Variants in ZNF415 observed in about 807,000 individuals in gnomAD.
The protein encoded by ZNF415 is zinc finger protein 415.
In ZNF415, 5 loss-of-function variants were observed where a neutral mutation model predicts 7.3. The ratio of observed to expected loss-of-function variants is 0.69; its 90% confidence interval spans 0.36 to 1.44. The LOEUF (loss-of-function observed/expected upper bound fraction) is 1.44. Among genes scored for constraint, ZNF415 ranks in the 40% most tolerant of loss-of-function variants. ZNF415 has a pLI of 0.04. For missense variants in ZNF415, 628 were observed against 664.8 expected (o/e 0.94, Z 0.61); for synonymous variants, 207 against 226.3 (o/e 0.91, Z 0.77).
intron 2 of ZNF415, among the ~76,000 whole-genome samples, chr19:53,120,870 G>A (rs1370529818): frequency 6.6e-6 from 1 of 151,042 alleles, no homozygotes; most frequent in African/African-American, 2.4e-5. Context: ...TGGATCACGA[G>A]GTCAGGAGTT....
At chr19:53,113,965 A>G (rs2086630474) in intron 3 of ZNF415, among the ~76,000 whole-genome samples, 1 of 152,252 alleles carries the variant, frequency 6.6e-6, no homozygotes, top group East Asian at 1.9e-4. Flanking sequence ...ATCCTGAGCC[A>G]TGCTGACAAT....
intron 2 of ZNF415, among the ~76,000 whole-genome samples, chr19:53,120,921 T>G (rs996408431): frequency 6.7e-6 from 1 of 148,412 alleles, no homozygotes; most frequent in Non-Finnish European, 1.5e-5. Flanking sequence ...CCGTCTCTAC[T>G]AAAAATACAA....
intron 2 of ZNF415, among the ~76,000 whole-genome samples, 178 bp from the exon 3 acceptor site, chr19:53,116,611 C>CTTTTTT (rs1568566098): frequency 2.3e-5 from 3 of 131,338 alleles, no homozygotes; most frequent in African/African-American, 9.6e-5. Context: ...TTTTTTTTCT[C>CTTTTTT]TCTTTTTTTT....
intron 1 of ZNF415, among the ~76,000 whole-genome samples, chr19:53,127,523 T>C (rs1368467242): frequency 6.6e-6 from 1 of 151,926 alleles, no homozygotes; most frequent in Non-Finnish European, 1.5e-5. Flanking sequence ...CCCAATGAGA[T>C]CCTAATATCT....
In ZNF415 at chr19:53,115,428, A is replaced by C. The variant is rs1336914276; in HGVS notation, c.136+885T>G. 3 of 450,344 alleles carry C rather than the reference A, an allele frequency of 6.7e-6. No homozygotes were observed. In the East Asian group the frequency reaches 1.2e-4, roughly 18 times the overall value. The allele number at this position is 450,344 out of a possible 1,614,324, so 27.9% of individuals were successfully genotyped here. A position where few individuals can be genotyped will look rare whatever the true frequency, so the allele number is the denominator to read the frequency against. On this transcript the variant is annotated intron_variant, in intron 3 of 3. Coordinates refer to ENST00000243643, the MANE Select transcript of ZNF415 (RefSeq NM_018355.4). ...GCCCCTCCCGGACCCCTCAGAGTGAAGGAGCCAGAGAGTTCACGGAAGTCA... is the reference window on the plus strand; with the variant it reads ...GCCCCTCCCGGACCCCTCAGAGTGACGGAGCCAGAGAGTTCACGGAAGTCA...
chr19:53,108,187 T>C lies in ZNF415; in HGVS notation c.*190A>G. On this transcript the variant is annotated 3_prime_UTR_variant, in exon 4 of 4. Coordinates refer to ENST00000243643, the MANE Select transcript of ZNF415 (RefSeq NM_018355.4). ...TAGCATGGACTCTGATGTCAATGAATGCTTGAACTTGTGATGAAGGGTTTG... is the reference window on the plus strand; with the variant it reads ...TAGCATGGACTCTGATGTCAATGAACGCTTGAACTTGTGATGAAGGGTTTG... 1.6e-6 allele frequency: 1 copy of C among 612,410 alleles called. No individual in the cohort carries two copies. Among genetic ancestry groups the C allele is most frequent in the South Asian group, 2.3e-5 (1 of 44,388 alleles). 37.9% of individuals were successfully genotyped at this position (612,410 alleles called of 1,614,324 possible).
Position 53,108,324 on chromosome 19 carries a change from T to C in ZNF415, c.*53A>G. On this transcript the variant is annotated 3_prime_UTR_variant, in exon 4 of 4. Transcript: ENST00000243643. The stretch of plus-strand genomic sequence containing the variant: ...ATACTTGTATGGTTTCTCTCTGATA[T>C]AAATTCTTTGATGACTCACAGGATT... The C allele has an allele frequency of 1.3e-6, 2 of 1,508,646 alleles. No homozygotes were observed. Among genetic ancestry groups the C allele is most frequent in the East Asian group, 2.3e-5 (1 of 44,314 alleles). 93.5% of individuals were successfully genotyped at this position (1,508,646 alleles called of 1,614,324 possible). A position where few individuals can be genotyped will look rare whatever the true frequency, so the allele number is the denominator to read the frequency against.
chr19:53,121,777 C>T (rs1249771631), intron 2 of ZNF415, among the ~76,000 whole-genome samples: 2 of 152,118 alleles, frequency 1.3e-5, no homozygotes, highest in South Asian at 2.1e-4. Context: ...AGGAATAAAA[C>T]GCCCTCTAGT....
chr19:53,117,913 A>G (rs1185814246), intron 2 of ZNF415, among the ~76,000 whole-genome samples: 1 of 152,212 alleles, frequency 6.6e-6, no homozygotes, highest in Admixed American at 6.5e-5. Context: ...AACATACAAA[A>G]CAACCAGAAA....
intron 1 of ZNF415, among the ~76,000 whole-genome samples, chr19:53,125,034 G>C (rs1225251975): frequency 7.8e-6 from 1 of 127,460 alleles, no homozygotes; most frequent in Non-Finnish European, 1.7e-5. Context: ...AACTGAAAGG[G>C]TCTGTTTATG....
chr19:53,116,236 G>T, intron 3 of ZNF415, 77 bp downstream of exon 3: 1 of 1,500,776 alleles, frequency 6.7e-7, no homozygotes, highest in Non-Finnish European at 9.0e-7. Context: ...TAATGCAGGG[G>T]CTCCCAAGAG....
chr19:53,108,116 C>A lies in ZNF415; in HGVS notation c.*261G>T. The A allele has an allele frequency of 2.2e-6, 1 of 448,598 alleles. No homozygotes were observed. The allele number at this position is 448,598 out of a possible 1,614,324, so 27.8% of individuals were successfully genotyped here. On this transcript the variant is annotated 3_prime_UTR_variant, in exon 4 of 4. Transcript: ENST00000243643. ...TTTGATGTCTAGTGAGTTGTGAGAC[C>A]TAAATGAAGCCTCTGCCACACAGTT...
chr19:53,125,177 G>A (rs1333002463), intron 1 of ZNF415, among the ~76,000 whole-genome samples: 3 of 151,810 alleles, frequency 2.0e-5, no homozygotes, highest in African/African-American at 7.3e-5. Flanking sequence ...CCGAGTAGCT[G>A]GGATTACAGG....
chr19:53,125,542 T>C (rs2088914643), intron 1 of ZNF415, among the ~76,000 whole-genome samples: 1 of 152,096 alleles, frequency 6.6e-6, no homozygotes, highest in African/African-American at 2.4e-5. Flanking sequence ...GTCACTATGT[T>C]ACCTAGGCTC....
At position 53,131,792 on chromosome 19, in the gene ZNF415, C is replaced by G. The variant is rs545252553; in HGVS notation, c.-68+1064G>C. 1.6e-3 allele frequency among the ~76,000 whole-genome samples: 238 copies of G among 152,126 alleles called. 2 individuals are homozygous for G. Among genetic ancestry groups the G allele is most frequent in the African/African-American group, 5.5e-3 (229 of 41,458 alleles). On this transcript the variant is annotated intron_variant, in intron 1 of 3. Coordinates refer to ENST00000243643, the MANE Select transcript of ZNF415 (RefSeq NM_018355.4). Reference sequence around the variant, plus strand: ...TCCACATATTTCTGGCTCTTTCTTCCCCATTTCAGCACTCCCTGTTAAATT... The same window carrying G: ...TCCACATATTTCTGGCTCTTTCTTCGCCATTTCAGCACTCCCTGTTAAATT...
chr19:53,132,030 C>T (rs915553306), intron 1 of ZNF415, among the ~76,000 whole-genome samples: 1 of 152,144 alleles, frequency 6.6e-6, no homozygotes, highest in Non-Finnish European at 1.5e-5. Flanking sequence ...TGCCCCTCTC[C>T]CTACCTGGCT....
chr19:53,109,307 A>G lies in ZNF415; in HGVS notation c.738T>C (p.Cys246=), dbSNP rs2085868229. ...VSHSGEKGYK[C]DLCGKVFSQK... ...GACTAAAGACCTTGCCACACAGATC[A>G]CATTTATATCCTTTCTCTCCAGAAT... The change falls in exon 4 of 4, where the codon TGT becomes TGC. Residue 246 remains cysteine (C), a synonymous_variant. Coordinates refer to ENST00000243643, the MANE Select transcript of ZNF415 (RefSeq NM_018355.4). The G allele has an allele frequency of 6.2e-7, 1 of 1,614,174 alleles. No homozygotes were observed.
At chr19:53,122,627 G>A in intron 2 of ZNF415, 35 bp downstream of exon 2, 1 of 1,613,870 alleles carries the variant, frequency 6.2e-7, no homozygotes, top group Non-Finnish European at 8.5e-7. Flanking sequence ...CTGAAAAGAG[G>A]GAGACAGAAT....
chr19:53,108,670 G>T lies in ZNF415; in HGVS notation c.1375C>A (p.Gln459Lys). The T allele has an allele frequency of 5.6e-6, 9 of 1,614,146 alleles. No homozygotes were observed. Among genetic ancestry groups the T allele is most frequent in the Non-Finnish European group, 7.6e-6 (9 of 1,180,026 alleles). ...FSVHSNLTTH[Q>K]VIHTGEKPYK... ...GGCTTCTCTCCAGTATGGATGACCT[G>T]ATGGGTAGTTAAGTTCGAATGCACA... The change falls in exon 4 of 4, where the codon CAG becomes AAG. Residue 459 changes from glutamine to lysine, a missense_variant. Coordinates refer to ENST00000243643, the MANE Select transcript of ZNF415 (RefSeq NM_018355.4).
Sources: allele counts gnomAD v4.1 joint callset (sites outside exome capture counted in the v4.1 genomes callset), GRCh38; gene constraint gnomAD v4.1.1; transcripts MANE v1.5; gene names NCBI Gene and HGNC (gene_info 2026-07-23, HGNC 2026-07-21).